DCAF6: variants seen among roughly 807,000 people sequenced by gnomAD.
The protein encoded by DCAF6 is DDB1 and CUL4 associated factor 6.
DCAF6 carries 54 observed loss-of-function variants against 125.1 expected under a neutral mutation model. That is an observed-to-expected ratio of 0.43 (90% CI 0.35 to 0.54). The LOEUF is 0.54. Among genes scored for constraint, DCAF6 ranks in the 20% least tolerant of loss-of-function variants. DCAF6 has a pLI of 0.01. For synonymous variants in DCAF6, 371 were observed against 390.4 expected, an observed-to-expected ratio of 0.95 and a Z score of 0.58; for missense variants, 934 against 1,161.7, an observed-to-expected ratio of 0.80 and a Z score of 2.85.
the DCAF6 span, among the ~76,000 whole-genome samples, chr1:167,901,196 A>G: frequency 6.6e-6 from 1 of 152,186 alleles, no homozygotes; most frequent in African/African-American, 2.4e-5. Flanking sequence ...CCTTGTGTAA[A>G]GCTGGAGCTG....
At chr1:167,901,877 A>G in the DCAF6 span, 19 of 1,612,144 alleles carry the variant, frequency 1.2e-5, no homozygotes, top group East Asian at 2.2e-5. Context: ...AGATCTGTAT[A>G]GAAACTTACT....
intron 7 of DCAF6, among the ~76,000 whole-genome samples, chr1:167,993,852 A>AC (rs1681243125): frequency 6.6e-6 from 1 of 152,192 alleles, no homozygotes; most frequent in African/African-American, 2.4e-5. Flanking sequence ...CAAAAAAAAA[A>AC]ATTAATTTTC....
At chr1:167,985,242 C>T (rs552201653) in intron 4 of DCAF6, among the ~76,000 whole-genome samples, 23 of 151,146 alleles carry the variant, frequency 1.5e-4, no homozygotes, top group Non-Finnish European at 2.1e-4. Context: ...TGTGTGCGTG[C>T]GCGTGTGCAC....
At chr1:167,925,472 T>TAC in the DCAF6 span, among the ~76,000 whole-genome samples, 2 of 102,042 alleles carry the variant, frequency 2.0e-5, no homozygotes, top group South Asian at 2.8e-4. Context: ...TATATATATA[T>TAC]ATACATATAC....
At chr1:167,965,264 T>C (rs1369208336) in intron 2 of DCAF6, among the ~76,000 whole-genome samples, 2 of 152,176 alleles carry the variant, frequency 1.3e-5, no homozygotes, top group African/African-American at 4.8e-5. Context: ...CACAAGGGAT[T>C]ATCAGCACCT....
chr1:167,883,430 C>A, the DCAF6 span: 1 of 1,614,178 alleles, frequency 6.2e-7, no homozygotes. Flanking sequence ...CCATAGTTCA[C>A]ACTTACCTTG....
At chr1:167,898,382 C>A in the DCAF6 span, among the ~76,000 whole-genome samples, 1 of 151,768 alleles carries the variant, frequency 6.6e-6, no homozygotes, top group Admixed American at 6.6e-5. Context: ...GGGTGGATCA[C>A]GAAGTCAGGA....
chr1:167,960,290 A>ATTAT (rs781445000), intron 2 of DCAF6, among the ~76,000 whole-genome samples: 17 of 151,346 alleles, frequency 1.1e-4, no homozygotes, highest in South Asian at 2.1e-4. Context: ...AATTTTTATT[A>ATTAT]TTATTTATTT....
chr1:167,873,696 A>C, the DCAF6 span, among the ~76,000 whole-genome samples: 1 of 152,182 alleles, frequency 6.6e-6, no homozygotes, highest in South Asian at 2.1e-4. Context: ...CAAAAATATC[A>C]ATTCCAAATG....
upstream of DCAF6, chr1:167,936,308 A>G (rs1671207882): frequency 5.2e-6 from 1 of 191,850 alleles, no homozygotes; most frequent in East Asian, 1.5e-4. Context: ...CTGCCCTTTC[A>G]CTTTGATTAA....
At chr1:168,020,555 C>G (rs1273532190) in intron 11 of DCAF6, among the ~76,000 whole-genome samples, 1 of 152,088 alleles carries the variant, frequency 6.6e-6, no homozygotes, top group Non-Finnish European at 1.5e-5. Flanking sequence ...CTAAACACTT[C>G]AAATAAGCTG....
chr1:167,965,900 G>C (rs1185331377), intron 2 of DCAF6, among the ~76,000 whole-genome samples: 1 of 152,190 alleles, frequency 6.6e-6, no homozygotes, highest in Non-Finnish European at 1.5e-5. Flanking sequence ...CTCCCAAAGT[G>C]CTGGGATTAT....
chr1:167,930,901 A>C (rs1670888001), upstream of DCAF6, among the ~76,000 whole-genome samples: 1 of 152,272 alleles, frequency 6.6e-6, no homozygotes, highest in Non-Finnish European at 1.5e-5. Flanking sequence ...GTTTAAAAGC[A>C]GGATAGCACA....
At chr1:168,070,579 A>C (rs1351191591) in intron 21 of DCAF6, among the ~76,000 whole-genome samples, 1 of 152,192 alleles carries the variant, frequency 6.6e-6, no homozygotes. Flanking sequence ...TACAAACTAC[A>C]AATACTTACC....
the DCAF6 span, among the ~76,000 whole-genome samples, chr1:167,921,617 G>T: frequency 6.6e-6 from 1 of 151,844 alleles, no homozygotes; most frequent in Admixed American, 6.6e-5. Flanking sequence ...ATGCGTTTTT[G>T]CTCCCACCAG....
chr1:167,938,917 TAGAA>T (rs1201405789), intron 1 of DCAF6, among the ~76,000 whole-genome samples: 6 of 152,190 alleles, frequency 3.9e-5, no homozygotes, highest in Non-Finnish European at 7.4e-5. Context: ...CTGACTATAT[TAGAA>T]AGCCTGAATT....
chr1:167,985,721 T>C (rs1324362492), intron 4 of DCAF6, among the ~76,000 whole-genome samples: 8 of 152,210 alleles, frequency 5.3e-5, no homozygotes, highest in Non-Finnish European at 1.0e-4. Context: ...AGTAAACCTT[T>C]TAAGACAAAA....
At chr1:167,947,483 C>T (rs1470696750) in intron 1 of DCAF6, among the ~76,000 whole-genome samples, 2 of 151,652 alleles carry the variant, frequency 1.3e-5, no homozygotes, top group Admixed American at 1.3e-4. Flanking sequence ...TAATCTTTCT[C>T]CTTTTTGATG....
At chr1:167,914,304 C>T in the DCAF6 span, 1 of 152,150 alleles carries the variant, frequency 6.6e-6, no homozygotes, top group African/African-American at 2.4e-5. Flanking sequence ...ACATTTGAGG[C>T]AAGGGTCAGG....
Sources: gnomAD v4.1 joint callset for allele counts (sites outside exome capture counted in the v4.1 genomes callset) on GRCh38, gnomAD v4.1.1 for gene constraint, MANE v1.5 for transcripts, NCBI Gene and HGNC (gene_info 2026-07-23, HGNC 2026-07-21) for gene names.